STXBP5L: variants seen among roughly 807,000 people sequenced by gnomAD.
STXBP5L encodes the protein syntaxin binding protein 5L.
A neutral mutation model predicts 144.5 loss-of-function variants in STXBP5L; 65 were observed. The ratio of observed to expected loss-of-function variants is 0.45; its 90% CI spans 0.37 to 0.55. The LOEUF is 0.55. Ranked by LOEUF, STXBP5L falls within the 20% of genes least tolerant of loss-of-function variation. STXBP5L has a pLI of 0.00. For missense variants in STXBP5L, 1,298 were observed against 1,405.5 expected (o/e 0.92, Z 1.22); for synonymous variants, 505 against 469.6 (o/e 1.08, Z -0.97).
intron 2 of STXBP5L, among the ~76,000 whole-genome samples, chr3:120,937,928 GA>G (rs1307922502): frequency 6.6e-6 from 1 of 152,008 alleles, no homozygotes; most frequent in Non-Finnish European, 1.5e-5. Context: ...TAATTATATT[GA>G]GGTTTACTAT....
chr3:121,184,015 C>T (rs188602337), intron 9 of STXBP5L, among the ~76,000 whole-genome samples: 8 of 151,942 alleles, frequency 5.3e-5, no homozygotes, highest in South Asian at 2.1e-4. Context: ...GGAATAGCAT[C>T]GACACCAACA....
At chr3:121,328,700 A>C (rs1577469683) in intron 20 of STXBP5L, among the ~76,000 whole-genome samples, 1 of 152,252 alleles carries the variant, frequency 6.6e-6, no homozygotes, top group East Asian at 1.9e-4. Flanking sequence ...CAGTGAGCTG[A>C]GATCGCACCA....
chr3:121,006,238 G>A (rs1944290329), intron 3 of STXBP5L, among the ~76,000 whole-genome samples: 1 of 152,152 alleles, frequency 6.6e-6, no homozygotes, highest in Admixed American at 6.5e-5. Context: ...GGGTGCCCCT[G>A]TATTGGGTGC....
chr3:121,298,634 A>G (rs1489255425), intron 19 of STXBP5L, among the ~76,000 whole-genome samples: 1 of 152,202 alleles, frequency 6.6e-6, no homozygotes, highest in African/African-American at 2.4e-5. Flanking sequence ...AGGACATTAC[A>G]CTAGATGAAA....
intron 3 of STXBP5L, among the ~76,000 whole-genome samples, chr3:120,980,018 A>G (rs868623976): frequency 1.3e-5 from 2 of 152,032 alleles, no homozygotes; most frequent in Admixed American, 6.6e-5. Context: ...ATTTCCACAT[A>G]TTTGTATCTT....
intron 3 of STXBP5L, among the ~76,000 whole-genome samples, chr3:121,019,481 A>T (rs1190441688): frequency 3.9e-5 from 6 of 152,044 alleles, no homozygotes; most frequent in Non-Finnish European, 7.4e-5. Context: ...CAACACACTT[A>T]CCAAAAATAC....
chr3:121,274,793 G>T (rs964677053), intron 18 of STXBP5L, among the ~76,000 whole-genome samples: 1 of 152,176 alleles, frequency 6.6e-6, no homozygotes, highest in African/African-American at 2.4e-5. Flanking sequence ...GGTCCCAGGG[G>T]TGATGAGACA....
At chr3:121,056,301 G>A (rs935840334) in intron 5 of STXBP5L, among the ~76,000 whole-genome samples, 5 of 152,104 alleles carry the variant, frequency 3.3e-5, no homozygotes, top group Admixed American at 1.3e-4. Flanking sequence ...ACTGGAGAAA[G>A]CATAGAGTTG....
At position 121,112,704 on chromosome 3, in the gene STXBP5L, A is replaced by G. The variant is rs543701740; in HGVS notation, c.471-2221A>G. 1.1e-4 allele frequency among the ~76,000 whole-genome samples: 16 copies of G among 152,154 alleles called. No individual in the cohort carries two copies. The South Asian group carries it at 3.1e-3, about 30-fold the overall frequency. On this transcript the variant is annotated intron_variant, in intron 5 of 26. Coordinates refer to ENST00000471454, the MANE Select transcript of STXBP5L (RefSeq NM_001308330.2). Reference sequence around the variant, plus strand: ...GGATGGAAAGCTAAGGATATCTTCGATTATTTAATGATAGTTAATATTGAT... The same window carrying G: ...GGATGGAAAGCTAAGGATATCTTCGGTTATTTAATGATAGTTAATATTGAT...
intron 1 of STXBP5L, 102 bp from the exon 2 acceptor site, chr3:120,909,469 G>T (rs1708712423): frequency 9.8e-7 from 1 of 1,024,676 alleles, no homozygotes; most frequent in Admixed American, 3.2e-5. Flanking sequence ...CTCATAAAAT[G>T]GGGACTGACT....
At chr3:120,913,093 T>C (rs1047974640) in intron 2 of STXBP5L, among the ~76,000 whole-genome samples, 2 of 152,002 alleles carry the variant, frequency 1.3e-5, no homozygotes, top group African/African-American at 4.8e-5. Context: ...TAAAAACCTA[T>C]TCTATGTTTT....
At chr3:120,982,754 G>A (rs903882710) in intron 3 of STXBP5L, among the ~76,000 whole-genome samples, 4 of 152,196 alleles carry the variant, frequency 2.6e-5, no homozygotes, top group Non-Finnish European at 5.9e-5. Flanking sequence ...TCAGCTGGTT[G>A]GGTTGGCCTG....
At chr3:121,382,816 AC>A (rs2046349204) in intron 22 of STXBP5L, among the ~76,000 whole-genome samples, 1 of 152,186 alleles carries the variant, frequency 6.6e-6, no homozygotes, top group South Asian at 2.1e-4. Flanking sequence ...ATATACTTAG[AC>A]CAAAAAATGA....
At chr3:121,374,357 A>G (rs762647135) in intron 20 of STXBP5L, among the ~76,000 whole-genome samples, 2 of 152,218 alleles carry the variant, frequency 1.3e-5, no homozygotes, top group Non-Finnish European at 2.9e-5. Context: ...TGACAGTTAT[A>G]CCAGCTGTGG....
chr3:120,995,814 T>G (rs558505660), intron 3 of STXBP5L, among the ~76,000 whole-genome samples: 2 of 152,286 alleles, frequency 1.3e-5, no homozygotes, highest in South Asian at 4.1e-4. Context: ...TAGAATAGTT[T>G]ATTATATTGA....
chr3:121,418,618 C>A lies in STXBP5L; in HGVS notation c.3447+61C>A. On this transcript the variant is annotated intron_variant, in intron 26 of 26. Transcript: ENST00000471454. ...AGGAGTAACTTTAAACATTTAGGAT[C>A]TGCACAAGAAAGCTTAAACAGAGAT... 8.0e-6 allele frequency: 12 copies of A among 1,507,572 alleles called. No homozygotes were observed. The South Asian group carries it at 1.4e-4, about 18-fold the overall frequency. The allele number at this position is 1,507,572 out of a possible 1,614,324, so 93.4% of individuals were successfully genotyped here. A position where few individuals can be genotyped will look rare whatever the true frequency, so the allele number is the denominator to read the frequency against.
At chr3:121,021,366 G>T in intron 3 of STXBP5L, among the ~76,000 whole-genome samples, 1 of 152,106 alleles carries the variant, frequency 6.6e-6, no homozygotes, top group East Asian at 1.9e-4. Flanking sequence ...CATCAAGTCG[G>T]AAAGTGAACA....
At position 121,240,422 on chromosome 3, in the gene STXBP5L, T is replaced by G; in HGVS notation, c.1333-18T>G. On this transcript the variant is annotated intron_variant, in intron 13 of 26. Coordinates refer to ENST00000471454, the MANE Select transcript of STXBP5L (RefSeq NM_001308330.2). The stretch of plus-strand genomic sequence containing the variant: ...CATTTAAACATGTATATATATTCTT[T>G]CTGGATAATCTGTTTAGGAGTGGCC... 6.2e-7 allele frequency: 1 copy of G among 1,611,036 alleles called. No homozygotes were observed. Among genetic ancestry groups the G allele is most frequent in the Non-Finnish European group, 8.5e-7 (1 of 1,177,824 alleles).
At chr3:121,193,774 G>T (rs946006481) in intron 9 of STXBP5L, among the ~76,000 whole-genome samples, 2 of 152,200 alleles carry the variant, frequency 1.3e-5, no homozygotes, top group African/African-American at 4.8e-5. Flanking sequence ...ATTGAACAAT[G>T]AGAACACTTG....
Sources: gnomAD v4.1 joint callset for allele counts (sites outside exome capture counted in the v4.1 genomes callset) on GRCh38, gnomAD v4.1.1 for gene constraint, MANE v1.5 for transcripts, NCBI Gene and HGNC (gene_info 2026-07-23, HGNC 2026-07-21) for gene names.